Variants in SMURF2 observed in about 807,000 individuals in gnomAD.
SMURF2 encodes the protein SMAD specific E3 ubiquitin protein ligase 2.
In SMURF2, 48 loss-of-function variants were observed where a neutral mutation model predicts 109.6. That is an observed-to-expected ratio of 0.44 (90% CI 0.35 to 0.56). SMURF2 has a LOEUF of 0.56. Ranked by LOEUF, SMURF2 falls within the 20% of genes least tolerant of loss-of-function variation. SMURF2 has a pLI of 0.01. For missense variants in SMURF2, 575 were observed against 909.0 expected, an observed-to-expected ratio of 0.63 and a Z score of 4.72; for synonymous variants, 288 against 317.1, an observed-to-expected ratio of 0.91 and a Z score of 0.97.
intron 9 of SMURF2, among the ~76,000 whole-genome samples, chr17:64,574,135 A>G (rs782300747): frequency 1.3e-5 from 2 of 152,240 alleles, no homozygotes; most frequent in Non-Finnish European, 2.9e-5. Flanking sequence ...AAAGTTAAAA[A>G]AAAAATTAAA....
chr17:64,632,929 A>G (rs150240430), intron 1 of SMURF2, among the ~76,000 whole-genome samples: 1 of 152,352 alleles, frequency 6.6e-6, no homozygotes, highest in East Asian at 1.9e-4. Context: ...TTAGGTAAAG[A>G]GTTTCTTAAA....
chr17:64,604,812 C>T (rs928736782), intron 2 of SMURF2, among the ~76,000 whole-genome samples: 2 of 151,902 alleles, frequency 1.3e-5, no homozygotes, highest in African/African-American at 2.4e-5. Flanking sequence ...GGCGTGTTGG[C>T]GTGCACCTGT....
chr17:64,633,922 C>T (rs1021208406), intron 1 of SMURF2, among the ~76,000 whole-genome samples: 10 of 152,050 alleles, frequency 6.6e-5, no homozygotes, highest in South Asian at 4.1e-4. Flanking sequence ...TTTAGGAGGC[C>T]GAGGTGGGCA....
intron 1 of SMURF2, among the ~76,000 whole-genome samples, chr17:64,648,278 G>A (rs990757107): frequency 6.6e-6 from 1 of 151,902 alleles, no homozygotes; most frequent in Admixed American, 6.6e-5. Flanking sequence ...TTGTTAAGCA[G>A]CAAAATTTGC....
chr17:64,644,915 C>T (rs1970539852), intron 1 of SMURF2, among the ~76,000 whole-genome samples: 2 of 151,686 alleles, frequency 1.3e-5, no homozygotes, highest in African/African-American at 4.8e-5. Context: ...GAGGCTGAGG[C>T]AGGAGCCGCT....
chr17:64,661,753 T>C, intron 1 of SMURF2, 76 bp downstream of exon 1: 1 of 1,081,464 alleles, frequency 9.2e-7, no homozygotes, highest in East Asian at 3.8e-5. Context: ...ACCCTGGCCC[T>C]TCCCAAGGCC....
chr17:64,628,588 C>T (rs191734408), intron 1 of SMURF2, among the ~76,000 whole-genome samples: 2 of 152,144 alleles, frequency 1.3e-5, no homozygotes, highest in East Asian at 1.9e-4. Flanking sequence ...GCAATTTCAA[C>T]GAGGGCTTAC....
intron 1 of SMURF2, among the ~76,000 whole-genome samples, chr17:64,629,121 A>G (rs1970305001): frequency 6.6e-6 from 1 of 152,150 alleles, no homozygotes; most frequent in Admixed American, 6.5e-5. Context: ...GAACCTCACA[A>G]ACTTACAGAC....
intron 1 of SMURF2, among the ~76,000 whole-genome samples, chr17:64,644,701 C>A (rs1405413171): frequency 6.6e-6 from 1 of 150,668 alleles, no homozygotes; most frequent in African/African-American, 2.4e-5. Context: ...CACCTAAGAT[C>A]AGGAGTTTGA....
intron 8 of SMURF2, 47 bp downstream of exon 8, chr17:64,580,742 C>A: frequency 1.3e-6 from 2 of 1,561,148 alleles, no homozygotes; most frequent in South Asian, 2.3e-5. Context: ...CCTCAGCAAA[C>A]TGAAATCAGT....
chr17:64,638,643 G>T (rs1400178578), intron 1 of SMURF2, among the ~76,000 whole-genome samples: 1 of 152,168 alleles, frequency 6.6e-6, no homozygotes, highest in African/African-American at 2.4e-5. Context: ...AAATCTTAAA[G>T]AATTTTCCCC....
chr17:64,643,683 G>A (rs1349037095), intron 1 of SMURF2, among the ~76,000 whole-genome samples: 7 of 152,092 alleles, frequency 4.6e-5, no homozygotes, highest in African/African-American at 1.7e-4. Flanking sequence ...CCATACCATT[G>A]TAAATACCTG....
chr17:64,546,043 C>A, intron 18 of SMURF2, 96 bp from the exon 19 acceptor site: 1 of 904,934 alleles, frequency 1.1e-6, no homozygotes. Context: ...CTCTGTGTCA[C>A]ACAGAAAACT....
intron 1 of SMURF2, among the ~76,000 whole-genome samples, chr17:64,625,262 C>T (rs781847452): frequency 3.3e-5 from 5 of 152,208 alleles, no homozygotes; most frequent in Non-Finnish European, 5.9e-5. Context: ...TTTCCTGTTA[C>T]TTGCAACCAA....
At chr17:64,549,237 T>TGG (rs1207300232) in intron 16 of SMURF2, among the ~76,000 whole-genome samples, 1 of 110,056 alleles carries the variant, frequency 9.1e-6, no homozygotes, top group Non-Finnish European at 1.7e-5. Context: ...CCCATCAGCC[T>TGG]GGGGGACAAG....
chr17:64,549,600 A>G (rs1427624318), intron 16 of SMURF2, among the ~76,000 whole-genome samples: 1 of 151,586 alleles, frequency 6.6e-6, no homozygotes, highest in Non-Finnish European at 1.5e-5. Context: ...TACTAAAAAT[A>G]CAAAAATTAG....
At chr17:64,644,383 G>C (rs1970530545) in intron 1 of SMURF2, among the ~76,000 whole-genome samples, 1 of 150,662 alleles carries the variant, frequency 6.6e-6, no homozygotes, top group Admixed American at 6.7e-5. Flanking sequence ...TCAGGAGTTT[G>C]AGACCAGCCT....
Position 64,661,901 on chromosome 17 carries a change from C to CGGGGGCG in SMURF2, c.-28_-22dup. On this transcript the variant is annotated 5_prime_UTR_variant, in exon 1 of 19. Transcript: ENST00000262435. ...GACATGTCCCCGGCGGCGGGGGCGG[C>CGGGGGCG]GGGGGCGGCGGGCGGCACGGGGGCG... The CGGGGGCG allele has an allele frequency of 8.5e-7, 1 of 1,181,648 alleles. No homozygotes were observed. 73.2% of individuals were successfully genotyped at this position (1,181,648 alleles called of 1,614,324 possible). A position where few individuals can be genotyped will look rare whatever the true frequency, so the allele number is the denominator to read the frequency against.
At chr17:64,548,765 C>T (rs1968994460) in intron 16 of SMURF2, among the ~76,000 whole-genome samples, 1 of 152,150 alleles carries the variant, frequency 6.6e-6, no homozygotes, top group African/African-American at 2.4e-5. Flanking sequence ...CTGCTAAACA[C>T]ATCCTGATGG....
Sources: allele counts gnomAD v4.1 joint callset (sites outside exome capture counted in the v4.1 genomes callset), GRCh38; gene constraint gnomAD v4.1.1; transcripts MANE v1.5; gene names NCBI Gene and HGNC (gene_info 2026-07-23, HGNC 2026-07-21).